The following RAD51B variants were observed in gnomAD, a reference collection of about 807,000 sequenced individuals.
RAD51B encodes DNA repair protein RAD51 homolog 2.
Under a neutral mutation model 42.2 loss-of-function variants are expected in RAD51B, and 38 were observed. The ratio of observed to expected loss-of-function variants is 0.90; its 90% CI spans 0.70 to 1.18. RAD51B has a LOEUF of 1.18. RAD51B is among the 50% of genes most tolerant of loss of function. The pLI is 0.00. For synonymous variants in RAD51B, 154 were observed against 145.2 expected, an observed-to-expected ratio of 1.06 and a Z score of -0.43; for missense variants, 373 against 400.7, an observed-to-expected ratio of 0.93 and a Z score of 0.59.
At chr14:68,101,503 A>C (rs1595397946) in intron 7 of RAD51B, among the ~76,000 whole-genome samples, 1 of 152,230 alleles carries the variant, frequency 6.6e-6, no homozygotes, top group East Asian at 1.9e-4. Context: ...GGCTAAAATA[A>C]AGGGGCTACA....
chr14:67,969,391 C>A (rs1434762924), intron 7 of RAD51B, among the ~76,000 whole-genome samples: 1 of 152,186 alleles, frequency 6.6e-6, no homozygotes, highest in African/African-American at 2.4e-5. Flanking sequence ...CCTTAACCCA[C>A]TTCTACCCAA....
At chr14:67,861,704 C>A (rs903926215) in intron 4 of RAD51B, among the ~76,000 whole-genome samples, 5 of 151,914 alleles carry the variant, frequency 3.3e-5, no homozygotes, top group Admixed American at 6.6e-5. Context: ...AAACACCAAG[C>A]AACCAACCAA....
intron 7 of RAD51B, among the ~76,000 whole-genome samples, chr14:68,039,226 G>A (rs1204544040): frequency 3.9e-5 from 6 of 151,956 alleles, no homozygotes; most frequent in Admixed American, 2.6e-4. Flanking sequence ...TCAGGAGATC[G>A]AGAACCATCC....
intron 7 of RAD51B, among the ~76,000 whole-genome samples, chr14:68,206,217 G>A (rs896247081): frequency 1.3e-5 from 2 of 152,138 alleles, no homozygotes; most frequent in Non-Finnish European, 2.9e-5. Context: ...TTGTCCTTGA[G>A]TTATCACATC....
At chr14:67,927,317 G>A (rs2044551048) in intron 7 of RAD51B, among the ~76,000 whole-genome samples, 1 of 152,102 alleles carries the variant, frequency 6.6e-6, no homozygotes, top group Non-Finnish European at 1.5e-5. Flanking sequence ...CATCATGAGT[G>A]CTTATCATTT....
chr14:68,471,528 C>T (rs1308797239), intron 10 of RAD51B, among the ~76,000 whole-genome samples: 1 of 152,050 alleles, frequency 6.6e-6, no homozygotes, highest in Non-Finnish European at 1.5e-5. Context: ...GGACTTCTAC[C>T]CTTCCCTCCC....
chr14:68,497,173 C>T (rs1331328765), intron 10 of RAD51B: 2 of 1,397,150 alleles, frequency 1.4e-6, no homozygotes, highest in Admixed American at 2.0e-5. Flanking sequence ...GTTCATCTTG[C>T]CAAGAAAAAT....
At chr14:68,556,307 TA>T (rs1392872652) in intron 10 of RAD51B, among the ~76,000 whole-genome samples, 1 of 152,208 alleles carries the variant, frequency 6.6e-6, no homozygotes, top group Non-Finnish European at 1.5e-5. Flanking sequence ...TTTCCTATCC[TA>T]CTTTGGGACT....
At chr14:68,570,877 ACACACACACACACACACACATG>A (rs1889662362) in intron 10 of RAD51B, among the ~76,000 whole-genome samples, 1 of 150,652 alleles carries the variant, frequency 6.6e-6, no homozygotes, top group Admixed American at 6.6e-5. Flanking sequence ...GGAGCGCCAC[ACACACACACACACACACACATG>A]CACACACACA....
chr14:68,083,275 G>C (rs181371421), intron 7 of RAD51B, among the ~76,000 whole-genome samples: 5 of 152,310 alleles, frequency 3.3e-5, no homozygotes, highest in Admixed American at 2.0e-4. Flanking sequence ...GCCTGTATCA[G>C]ATAATTCCGT....
chr14:67,848,483 G>A (rs2041697490), intron 4 of RAD51B, among the ~76,000 whole-genome samples: 1 of 152,078 alleles, frequency 6.6e-6, no homozygotes, highest in Non-Finnish European at 1.5e-5. Context: ...GATTACATGT[G>A]AGATGGGTCT....
At chr14:68,400,286 G>GTTTGA (rs1484840027) in intron 8 of RAD51B, among the ~76,000 whole-genome samples, 1 of 152,186 alleles carries the variant, frequency 6.6e-6, no homozygotes. Flanking sequence ...CTTCACTGTA[G>GTTTGA]TTTGAATCTT....
At chr14:68,052,984 A>G (rs572126191) in intron 7 of RAD51B, among the ~76,000 whole-genome samples, 2 of 151,928 alleles carry the variant, frequency 1.3e-5, no homozygotes, top group South Asian at 4.2e-4. Context: ...TTTTAGTTCT[A>G]TGTCTTATCA....
At chr14:68,465,370 C>G (rs2085948865) in intron 9 of RAD51B, among the ~76,000 whole-genome samples, 1 of 152,144 alleles carries the variant, frequency 6.6e-6, no homozygotes, top group Non-Finnish European at 1.5e-5. Context: ...TCCTAACTGG[C>G]CCCACATCTC....
At chr14:68,065,136 T>A (rs1299698594) in intron 7 of RAD51B, among the ~76,000 whole-genome samples, 1 of 152,178 alleles carries the variant, frequency 6.6e-6, no homozygotes. Flanking sequence ...CACCTGCAGA[T>A]GTGTTTTAGG....
intron 2 of RAD51B, among the ~76,000 whole-genome samples, chr14:67,824,524 C>G (rs987911731): frequency 6.6e-6 from 1 of 152,056 alleles, no homozygotes; most frequent in Non-Finnish European, 1.5e-5. Context: ...TCCCAAAGTG[C>G]TAGCATTACA....
chr14:68,502,324 C>CA (rs537595966), intron 10 of RAD51B, among the ~76,000 whole-genome samples: 25 of 152,318 alleles, frequency 1.6e-4, no homozygotes, highest in Non-Finnish European at 3.4e-4. Flanking sequence ...AGGCTGCACT[C>CA]AGCCCCTACG....
At chr14:68,118,211 A>G (rs1458092153) in intron 7 of RAD51B, among the ~76,000 whole-genome samples, 1 of 152,226 alleles carries the variant, frequency 6.6e-6, no homozygotes, top group Non-Finnish European at 1.5e-5. Context: ...TCTAATGTTA[A>G]CATCTAATAT....
At chr14:68,114,216 G>C (rs1312527435) in intron 7 of RAD51B, 3 of 151,976 alleles carry the variant, frequency 2.0e-5, no homozygotes. Flanking sequence ...TTCTAGTCCT[G>C]AGCCACAGCC....
Sources: gnomAD v4.1 joint callset for allele counts (sites outside exome capture counted in the v4.1 genomes callset) on GRCh38, gnomAD v4.1.1 for gene constraint, MANE v1.5 for transcripts, NCBI Gene and HGNC (gene_info 2026-07-23, HGNC 2026-07-21) for gene names.